The following SLC27A1 variants were observed in gnomAD, a reference collection of about 807,000 sequenced individuals.
The protein encoded by SLC27A1 is solute carrier family 27 member 1.
In SLC27A1, 61 loss-of-function variants were observed where a neutral mutation model predicts 62.2. The observed-to-expected ratio is 0.98, with a 90% CI of 0.80 to 1.21. The LOEUF is 1.21. Among genes scored for constraint, SLC27A1 ranks in the 50% most tolerant of loss-of-function variants. The probability of loss-of-function intolerance (pLI) is 0.00; values close to 1 mark genes in which losing one functional copy is unlikely to be tolerated. For missense variants in SLC27A1, 903 were observed against 932.1 expected (o/e 0.97, Z 0.41); for synonymous variants, 435 against 408.6 (o/e 1.06, Z -0.78).
chr19:17,488,779 T>A, intron 4 of SLC27A1, 69 bp from the exon 5 acceptor site: 1 of 1,397,546 alleles, frequency 7.2e-7, no homozygotes, highest in Non-Finnish European at 1.0e-6. Context: ...GCAGCATGCT[T>A]CCCCATGCCT....
Position 17,470,649 on chromosome 19 carries a change from G to A in SLC27A1, c.109G>A (p.Gly37Ser), listed in dbSNP as rs1254608739. ...SAAAALGVYV[G>S]SGGWRFLRIV... ...GGCAGCGGCGCTCGGCGTGTACGTG[G>A]GCAGCGGCGGCTGGCGCTTCCTGCG... The change falls in exon 1 of 12, where the codon GGC becomes AGC. Residue 37 changes from glycine to serine, a missense_variant. By Grantham distance (56) the Gly-to-Ser change is moderately conservative (BLOSUM62 0). Transcript: ENST00000252595. 4.4e-6 allele frequency: 7 copies of A among 1,578,432 alleles called. No individual in the cohort carries two copies. The highest frequency in any genetic ancestry group is 2.3e-5 in the South Asian group (2 of 88,010).
In SLC27A1 at chr19:17,486,466, T is replaced by C; in HGVS notation, c.168-97T>C. ...TCACCATAGACCTCATCAAAGCCCC[T>C]GGCTGCCCTGGGGTCCTCCAGCGGG... On this transcript the variant is annotated intron_variant, in intron 1 of 11. Coordinates refer to ENST00000252595, the MANE Select transcript of SLC27A1 (RefSeq NM_198580.3). The surrounding 1 kb of genome is among the most constrained non-coding windows in gnomAD (Gnocchi z 6.6). The C allele has an allele frequency of 1.4e-6, 2 of 1,402,236 alleles. No individual in the cohort carries two copies. Among genetic ancestry groups the C allele is most frequent in the Non-Finnish European group, 1.9e-6 (2 of 1,060,120 alleles). 86.9% of individuals were successfully genotyped at this position (1,402,236 alleles called of 1,614,324 possible).
Position 17,488,946 on chromosome 19 carries a change from C to G in SLC27A1, c.886+7C>G. ...CCCCTGTACCACTCGGCAGGTACTA[C>G]GGCCTGGGTAGGGAATGGTGGGTGG... On this transcript the variant is annotated splice_region_variant and intron_variant, in intron 5 of 11. Coordinates refer to ENST00000252595, the MANE Select transcript of SLC27A1 (RefSeq NM_198580.3). The G allele has an allele frequency of 6.2e-7, 1 of 1,614,100 alleles. No individual in the cohort carries two copies. Among genetic ancestry groups the G allele is most frequent in the Non-Finnish European group, 8.5e-7 (1 of 1,179,990 alleles).
Position 17,480,541 on chromosome 19 carries a change from C to CTTTTTTTT in SLC27A1, c.168-6012_168-6005dup, listed in dbSNP as rs3079223. On this transcript the variant is annotated intron_variant, in intron 1 of 11. Transcript: ENST00000252595. The stretch of plus-strand genomic sequence containing the variant: ...GCCACAATGGCCAGTTAATTTTTTT[C>CTTTTTTTT]TTTTTTTTTTTTTTTTTGCAGAGAT... Among the ~76,000 whole-genome samples, 27 of 111,812 alleles carry CTTTTTTTT rather than the reference C, an allele frequency of 2.4e-4. 1 individual carries two copies. Among genetic ancestry groups the CTTTTTTTT allele is most frequent in the Non-Finnish European group, 3.1e-4 (18 of 58,176 alleles). The allele number at this position is 111,812 out of a possible 152,430, so 73.4% of individuals were successfully genotyped here.
intron 1 of SLC27A1, among the ~76,000 whole-genome samples, chr19:17,480,885 A>G (rs1255976239): frequency 2.7e-5 from 4 of 148,442 alleles, no homozygotes; most frequent in East Asian, 3.9e-4. Flanking sequence ...TGCGTATTCA[A>G]TGTTTAGCTC....
At chr19:17,489,161 C>G (rs1330463505) in intron 6 of SLC27A1, 44 bp downstream of exon 6, 1 of 1,529,288 alleles carries the variant, frequency 6.5e-7, no homozygotes, top group South Asian at 1.2e-5. Context: ...CCCTCCCAGC[C>G]AGGCCTCACC....
At position 17,505,362 on chromosome 19, in the gene SLC27A1, G is replaced by A. The variant is rs2278280; in HGVS notation, c.*750G>A. ...TCTCGGCTGTGCCTTACGGAGCCCC[G>A]ATCCAGGCCTCCTGTGGCTGTTGGG... On this transcript the variant is annotated 3_prime_UTR_variant, in exon 12 of 12. Transcript: ENST00000252595. 61,659 of 159,902 alleles carry A rather than the reference G, an allele frequency of 0.39. 12,628 individuals are homozygous for A. Among genetic ancestry groups the A allele is most frequent in the Middle Eastern group, 0.49 (148 of 300 alleles). The allele number at this position is 159,902 out of a possible 1,614,324, so 9.9% of individuals were successfully genotyped here.
intron 1 of SLC27A1, among the ~76,000 whole-genome samples, chr19:17,476,464 G>T (rs961519297): frequency 4.0e-5 from 6 of 151,562 alleles, no homozygotes; most frequent in Non-Finnish European, 4.4e-5. Context: ...TTTGAACCCG[G>T]GAGGCAGAGG....
chr19:17,476,883 G>GTTTTTTTTT (rs71162144), intron 1 of SLC27A1, among the ~76,000 whole-genome samples: 5 of 131,816 alleles, frequency 3.8e-5, no homozygotes, highest in Admixed American at 8.7e-5. Context: ...ATGATCATCT[G>GTTTTTTTTT]TTTTTTTTTT....
At chr19:17,484,090 T>G (rs1360099150) in intron 1 of SLC27A1, 1 of 152,168 alleles carries the variant, frequency 6.6e-6, no homozygotes, top group East Asian at 1.9e-4. Context: ...TCCCCAGAGC[T>G]GAGAACAGTG....
In SLC27A1 at chr19:17,500,545, C is replaced by T. The variant is rs143624696; in HGVS notation, c.1384C>T (p.Arg462Cys). Residue 462 changes from arginine to cysteine, a missense_variant, in exon 9 of 12, where the codon CGC (arginine) becomes TGC (cysteine). Transcript: ENST00000252595. ...GATCAACCAACAGGACCCGCTGCGCCGCTTCGATGGCTATGTCAGCGAGAG... is the reference window on the plus strand; with the variant it reads ...GATCAACCAACAGGACCCGCTGCGCTGCTTCGATGGCTATGTCAGCGAGAG... ...GQINQQDPLR[R>C]FDGYVSESAT... is the part of the protein sequence containing the mutation. 22 of 1,613,572 alleles carry T rather than the reference C, an allele frequency of 1.4e-5. No homozygotes were observed. The highest frequency in any genetic ancestry group is 7.7e-5 in the South Asian group (7 of 91,036).
chr19:17,487,542 C>G lies in SLC27A1; in HGVS notation c.794+13C>G. Reference sequence around the variant, plus strand: ...TCGTGCACAGCAGGTGAGGGGCCCACAGGCATAATGCCCTCAGCCGCTGAG... The same window carrying G: ...TCGTGCACAGCAGGTGAGGGGCCCAGAGGCATAATGCCCTCAGCCGCTGAG... On this transcript the variant is annotated intron_variant, in intron 4 of 11. Transcript: ENST00000252595. 1 of 1,610,168 alleles carries G rather than the reference C, an allele frequency of 6.2e-7. No individual in the cohort carries two copies.
In SLC27A1 at chr19:17,500,328, C is replaced by T; in HGVS notation, c.1257C>T (p.Ile419=). Residue 419 remains isoleucine, a synonymous_variant, in exon 8 of 12, where the codon ATC becomes ATT. Coordinates refer to ENST00000252595, the MANE Select transcript of SLC27A1 (RefSeq NM_198580.3). ...NSRILPHVYP[I]RLVKVNEDTM... ...GCATCCTGCCCCACGTGTACCCCAT[C>T]CGGCTGGTGAAGGTCAATGAGGACA... 1 of 1,614,242 alleles carries T rather than the reference C, an allele frequency of 6.2e-7. No individual in the cohort carries two copies. Among genetic ancestry groups the T allele is most frequent in the Non-Finnish European group, 8.5e-7 (1 of 1,180,044 alleles).
chr19:17,499,143 C>A, intron 7 of SLC27A1: 1 of 211,442 alleles, frequency 4.7e-6, no homozygotes, highest in South Asian at 6.2e-5. Context: ...CTTTCCCGGT[C>A]CACTAAGTAG....
chr19:17,479,549 C>CA (rs1399420929), intron 1 of SLC27A1, among the ~76,000 whole-genome samples: 1 of 152,170 alleles, frequency 6.6e-6, no homozygotes, highest in Non-Finnish European at 1.5e-5. Context: ...CAATGAATAG[C>CA]ACTGTTATTT....
intron 6 of SLC27A1, chr19:17,489,792 G>A (rs7254408): frequency 0.79 from 120,044 of 152,350 alleles, 48,465 homozygotes; most frequent in Non-Finnish European, 0.89. Flanking sequence ...AGTGAGAGGA[G>A]ACCAGGCTGA....
intron 6 of SLC27A1, chr19:17,496,576 G>C (rs1331453377): frequency 1.3e-5 from 2 of 153,980 alleles, no homozygotes; most frequent in Non-Finnish European, 2.9e-5. Flanking sequence ...CTGGGTGACA[G>C]TGTAGGCTCC....
At chr19:17,469,412 G>A (rs897544461), upstream of SLC27A1, among the ~76,000 whole-genome samples, 1 of 152,046 alleles carries the variant, frequency 6.6e-6, no homozygotes, top group Admixed American at 6.6e-5. Flanking sequence ...GGTGTGGACT[G>A]GGATATTTTT....
intron 1 of SLC27A1, among the ~76,000 whole-genome samples, chr19:17,472,745 T>C (rs1002032052): frequency 6.6e-6 from 1 of 152,084 alleles, no homozygotes; most frequent in Non-Finnish European, 1.5e-5. Context: ...CAGGCTGGTC[T>C]CAAACTCCTG....
Sources: allele counts gnomAD v4.1 joint callset (sites outside exome capture counted in the v4.1 genomes callset), GRCh38; gene constraint gnomAD v4.1.1; non-coding constraint Gnocchi (gnomAD v3.1); transcripts MANE v1.5; gene names NCBI Gene and HGNC (gene_info 2026-07-23, HGNC 2026-07-21).